The following CYP2C19 variants were observed in gnomAD, a reference collection of about 807,000 sequenced individuals.
The protein encoded by CYP2C19 is cytochrome P450 2C19.
In CYP2C19, 59 loss-of-function variants were observed where a neutral mutation model predicts 40.9. That is an observed-to-expected ratio of 1.44 (90% CI 1.17 to 1.79). The LOEUF (loss-of-function observed/expected upper bound fraction) is 1.79. Among genes scored for constraint, CYP2C19 ranks in the 40% most tolerant of loss-of-function variants. The pLI is 0.00. For missense variants in CYP2C19, 754 were observed against 596.9 expected, an observed-to-expected ratio of 1.26 and a Z score of -2.74; for synonymous variants, 253 against 208.7, an observed-to-expected ratio of 1.21 and a Z score of -1.83.
intron 1 of CYP2C19, chr10:94,774,657 CA>C (rs1320572154): frequency 4.8e-6 from 1 of 207,252 alleles, no homozygotes; most frequent in Non-Finnish European, 9.8e-6. Flanking sequence ...AAGGTAGACA[CA>C]AGAGTGCTGA....
intron 6 of CYP2C19, among the ~76,000 whole-genome samples, chr10:94,826,855 G>A (rs532234797): frequency 3.9e-5 from 6 of 152,092 alleles, no homozygotes; most frequent in Non-Finnish European, 5.9e-5. Flanking sequence ...TTTATTGAGA[G>A]TTTTTAGCAT....
At chr10:94,847,649 C>A (rs985294053) in intron 7 of CYP2C19, among the ~76,000 whole-genome samples, 1 of 152,168 alleles carries the variant, frequency 6.6e-6, no homozygotes, top group Non-Finnish European at 1.5e-5. Context: ...TGAGGAATCA[C>A]CACACTGACT....
rs1024548008 is a variant in CYP2C19 at position 94,850,103 on chromosome 10, C to T, written c.1291+45C>T. 7.5e-6 allele frequency: 12 copies of T among 1,608,224 alleles called. No homozygotes were observed. The Admixed American group carries it at 8.4e-5, about 11-fold the overall frequency. ...CTTTGTGTTTCAGGGTACAAGATAA[C>T]TTTTTTGATCAGTTGGAACTTACAT... On this transcript the variant is annotated intron_variant, in intron 8 of 8. Transcript: ENST00000371321.
At chr10:94,827,665 C>T (rs555986674) in intron 6 of CYP2C19, among the ~76,000 whole-genome samples, 4 of 152,258 alleles carry the variant, frequency 2.6e-5, no homozygotes, top group East Asian at 1.9e-4. Flanking sequence ...CTCTTTCCTT[C>T]AGTTCTGCTT....
chr10:94,799,937 T>C (rs551945056), intron 5 of CYP2C19, among the ~76,000 whole-genome samples: 7 of 152,280 alleles, frequency 4.6e-5, no homozygotes, highest in African/African-American at 1.7e-4. Flanking sequence ...TTTCTTATGA[T>C]GCGTTAGAAC....
At position 94,762,715 on chromosome 10, in the gene CYP2C19, T is replaced by C. The variant is rs367543003; in HGVS notation, c.10T>C (p.Phe4Leu). The C allele has an allele frequency of 6.1e-4, 991 of 1,613,328 alleles. 24 individuals are homozygous for C. The South Asian group carries it at 9.3e-3, about 15-fold the overall frequency. Residue 4 changes from phenylalanine to leucine, a missense_variant, in exon 1 of 9, where the codon TTT becomes CTT. By Grantham distance (22) the Phe-to-Leu change is conservative (BLOSUM62 0). Transcript: ENST00000371321. ...AGAGGAGAAGGCTTCAATGGATCCT[T>C]TTGTGGTCCTTGTGCTCTGTCTCTC... MDP[F>L]VVLVLCLSCL...
intron 6 of CYP2C19, among the ~76,000 whole-genome samples, chr10:94,829,881 C>A (rs1358269077): frequency 6.6e-6 from 1 of 152,062 alleles, no homozygotes; most frequent in African/African-American, 2.4e-5. Context: ...ACAGACAGGA[C>A]CCTCAGCTGC....
chr10:94,835,046 A>G (rs546903992), intron 6 of CYP2C19, among the ~76,000 whole-genome samples: 1 of 152,248 alleles, frequency 6.6e-6, no homozygotes, highest in East Asian at 1.9e-4. Context: ...TTGGAGCATG[A>G]GCTAGCAGGC....
intron 5 of CYP2C19, among the ~76,000 whole-genome samples, chr10:94,816,740 C>T (rs1466611540): frequency 7.5e-6 from 1 of 133,912 alleles, no homozygotes; most frequent in Non-Finnish European, 1.6e-5. Flanking sequence ...CCCCCCACCC[C>T]ACATCAGTCC....
intron 1 of CYP2C19, among the ~76,000 whole-genome samples, chr10:94,764,214 G>C (rs1018524053): frequency 6.6e-6 from 1 of 152,142 alleles, no homozygotes; most frequent in African/African-American, 2.4e-5. Context: ...TGCTGGCTCA[G>C]GTGGGCAGCT....
rs540238857 is a variant in CYP2C19 at position 94,828,040 on chromosome 10, A to G, written c.961+7403A>G. On this transcript the variant is annotated intron_variant, in intron 6 of 8. Transcript: ENST00000371321. Reference sequence around the variant, plus strand: ...TGTGGTCTGAGAGACAGTTTGCCATAATTTCTGTTCTTTTACATTTGCTGA... The same window carrying G: ...TGTGGTCTGAGAGACAGTTTGCCATGATTTCTGTTCTTTTACATTTGCTGA... Among the ~76,000 whole-genome samples the G allele has an allele frequency of 9.0e-3, 1,363 of 151,838 alleles. 30 individuals carry two copies. Among genetic ancestry groups the G allele is most frequent in the African/African-American group, 0.03 (1,237 of 41,308 alleles).
chr10:94,812,915 G>A (rs1848947664), intron 5 of CYP2C19, among the ~76,000 whole-genome samples: 1 of 151,816 alleles, frequency 6.6e-6, no homozygotes, highest in Non-Finnish European at 1.5e-5. Flanking sequence ...CTGGCAAGGA[G>A]TTGTGATCCT....
At chr10:94,782,291 G>C (rs928953639) in intron 5 of CYP2C19, among the ~76,000 whole-genome samples, 4 of 152,012 alleles carry the variant, frequency 2.6e-5, no homozygotes, top group African/African-American at 7.2e-5. Flanking sequence ...GATCAGCACA[G>C]GAGGAACTTA....
intron 7 of CYP2C19, among the ~76,000 whole-genome samples, chr10:94,849,071 C>A (rs1415602027): frequency 6.6e-6 from 1 of 152,106 alleles, no homozygotes; most frequent in African/African-American, 2.4e-5. Context: ...CCCTTTATTC[C>A]CTTCTCCTGC....
rs894663229 is a variant in CYP2C19 at position 94,781,998 on chromosome 10, G to T, written c.819+1G>T. 2.0e-6 allele frequency: 3 copies of T among 1,534,674 alleles called. No homozygotes were observed. Among genetic ancestry groups the T allele is most frequent in the African/African-American group, 1.4e-5 (1 of 69,948 alleles). ...TTGCTTCCTGATCAAAATGGAGAAG[G>T]TAAAATGTTAACAAAAGCTTAGTTA... On this transcript the variant is annotated splice_donor_variant, in intron 5 of 8. Coordinates refer to ENST00000371321, the MANE Select transcript of CYP2C19 (RefSeq NM_000769.4). LOFTEE classifies it high-confidence loss of function.
chr10:94,823,284 A>G (rs1449919711), intron 6 of CYP2C19, among the ~76,000 whole-genome samples: 1 of 152,180 alleles, frequency 6.6e-6, no homozygotes, highest in Non-Finnish European at 1.5e-5. Context: ...ATTTTCTCCC[A>G]CAAGAAAAAG....
Position 94,781,865 on chromosome 10 carries a change from C to T in CYP2C19, c.687C>T (p.Thr229=). The change falls in exon 5 of 9, where the codon ACC becomes ACT. Residue 229 remains threonine, a synonymous_variant. Coordinates refer to ENST00000371321, the MANE Select transcript of CYP2C19 (RefSeq NM_000769.4). The part of the protein sequence containing the change: ...FPTIIDYFPG[T]HNKLLKNLAF... ...CTATCATTGATTATTTCCCGGGAAC[C>T]CATAACAAATTACTTAAAAACCTTG... is the stretch of plus-strand genomic sequence containing the variant. 2 of 1,482,588 alleles carry T rather than the reference C, an allele frequency of 1.3e-6. No homozygotes were observed. The highest frequency in any genetic ancestry group is 1.8e-6 in the Non-Finnish European group (2 of 1,124,130). 91.8% of individuals were successfully genotyped at this position (1,482,588 alleles called of 1,614,324 possible). A position where few individuals can be genotyped will look rare whatever the true frequency, so the allele number is the denominator to read the frequency against.
chr10:94,839,989 T>A (rs551227049), intron 6 of CYP2C19, among the ~76,000 whole-genome samples: 88 of 152,108 alleles, frequency 5.8e-4, no homozygotes, highest in African/African-American at 1.9e-3. Flanking sequence ...TGCTTTTTTT[T>A]ATTTTTTTTT....
intron 7 of CYP2C19, among the ~76,000 whole-genome samples, chr10:94,844,022 G>A (rs1026712887): frequency 6.6e-6 from 1 of 152,094 alleles, no homozygotes; most frequent in Non-Finnish European, 1.5e-5. Context: ...ATTGTTTAGG[G>A]CTTCTGTGTT....
Sources: allele counts gnomAD v4.1 joint callset (sites outside exome capture counted in the v4.1 genomes callset), GRCh38; gene constraint gnomAD v4.1.1; transcripts MANE v1.5; gene names NCBI Gene and HGNC (gene_info 2026-07-23, HGNC 2026-07-21).